SCN2A: variants seen among roughly 807,000 people sequenced by gnomAD.
SCN2A encodes sodium channel protein type 2 subunit alpha.
In SCN2A, 20 loss-of-function variants were observed where a neutral mutation model predicts 188.7. That is an observed-to-expected ratio of 0.11 (90% CI 0.07 to 0.15). The LOEUF (loss-of-function observed/expected upper bound fraction) is 0.15. SCN2A is among the 10% of genes least tolerant of loss of function. The probability of loss-of-function intolerance (pLI) is 1.00; values close to 1 mark genes in which losing one functional copy is unlikely to be tolerated. For missense variants in SCN2A, 1,278 were observed against 2,445.0 expected, an observed-to-expected ratio of 0.52 and a Z score of 10.07; for synonymous variants, 804 against 833.1, an observed-to-expected ratio of 0.97 and a Z score of 0.60.
chr2:165,366,802 T>C (rs1700753715), intron 18 of SCN2A, among the ~76,000 whole-genome samples: 1 of 151,982 alleles, frequency 6.6e-6, no homozygotes, highest in African/African-American at 2.4e-5. Context: ...CACAAATTTA[T>C]TTACTTATAA....
At chr2:165,280,991 G>A (rs1695560644) in intron 1 of SCN2A, among the ~76,000 whole-genome samples, 3 of 152,218 alleles carry the variant, frequency 2.0e-5, no homozygotes, top group Non-Finnish European at 2.9e-5. Flanking sequence ...GGAGGCCAAG[G>A]CAGGAGAATT....
At chr2:165,377,822 A>G (rs1346878044) in intron 23 of SCN2A, among the ~76,000 whole-genome samples, 172 bp downstream of exon 23, 1 of 151,888 alleles carries the variant, frequency 6.6e-6, no homozygotes, top group African/African-American at 2.4e-5. Context: ...TTATCATAGG[A>G]TGATTTTCTC....
chr2:165,333,888 A>G (rs1323762133), intron 14 of SCN2A, among the ~76,000 whole-genome samples: 1 of 151,482 alleles, frequency 6.6e-6, no homozygotes, highest in East Asian at 1.9e-4. Context: ...TAACCAAGAA[A>G]AAAAGAGGAA....
rs1574670402 is a variant in SCN2A at position 165,356,582 on chromosome 2, G to A, written c.3399+1911G>A. On this transcript the variant is annotated intron_variant, in intron 17 of 26. Transcript: ENST00000375437. ...AAAGTCAATTTTTATTTTCACACAT[G>A]TTTAGTTTTAGGCTGTCATATAAAC... 4.0e-5 allele frequency among the ~76,000 whole-genome samples: 6 copies of A among 151,890 alleles called. No homozygotes were observed. In the South Asian group the frequency reaches 1.2e-3, roughly 32 times the overall value.
intron 16 of SCN2A, among the ~76,000 whole-genome samples, chr2:165,350,501 C>G (rs1417346942): frequency 2.1e-5 from 2 of 95,264 alleles, no homozygotes; most frequent in Non-Finnish European, 2.0e-5. Flanking sequence ...GAGACGGAGT[C>G]TCGCTCTGTC....
chr2:165,288,909 G>A (rs1574506726), intron 1 of SCN2A, among the ~76,000 whole-genome samples: 1 of 151,940 alleles, frequency 6.6e-6, no homozygotes, highest in Non-Finnish European at 1.5e-5. Flanking sequence ...TCTTTTATTG[G>A]TTTATGTTTA....
intron 16 of SCN2A, among the ~76,000 whole-genome samples, chr2:165,346,017 A>G (rs1479089137): frequency 6.6e-6 from 1 of 152,080 alleles, no homozygotes; most frequent in Non-Finnish European, 1.5e-5. Flanking sequence ...TCTTTTCTTT[A>G]ATAATGTTTA....
At chr2:165,288,768 G>A (rs1157420462) in intron 1 of SCN2A, among the ~76,000 whole-genome samples, 1 of 151,764 alleles carries the variant, frequency 6.6e-6, no homozygotes, top group Non-Finnish European at 1.5e-5. Flanking sequence ...ATATGTGTGT[G>A]TATATGCATA....
Position 165,315,493 on chromosome 2 carries a change from C to T in SCN2A, c.1406C>T (p.Ala469Val). ...TAGGCGGCAGCTGCAGCCGCATCTG[C>T]TGAATCAAGAGACTTCAGTGGTGCT... ...EAQAAAAAAS[A>V]ESRDFSGAGG... Residue 469 changes from alanine (A) to valine (V), a missense_variant, in exon 11 of 27, where the codon GCT becomes GTT. By Grantham distance (64) the Ala-to-Val change is moderately conservative. Coordinates refer to ENST00000375437, the MANE Select transcript of SCN2A (RefSeq NM_001040142.2). 1 of 1,613,930 alleles carries T rather than the reference C, an allele frequency of 6.2e-7. No homozygotes were observed. Among genetic ancestry groups the T allele is most frequent in the Non-Finnish European group, 8.5e-7 (1 of 1,179,844 alleles).
intron 1 of SCN2A, among the ~76,000 whole-genome samples, chr2:165,246,662 G>GC (rs1553555298): frequency 6.6e-6 from 1 of 152,064 alleles, no homozygotes; most frequent in Non-Finnish European, 1.5e-5. Flanking sequence ...TCCGCTCAGT[G>GC]TTTTTTTGTT....
At chr2:165,308,550 T>C in intron 4 of SCN2A, 116 bp from the exon 5 acceptor site, 1 of 1,055,362 alleles carries the variant, frequency 9.5e-7, no homozygotes. Context: ...CTCTATATCG[T>C]AGGGGGACCA....
chr2:165,263,646 G>A (rs1194112446), intron 1 of SCN2A, among the ~76,000 whole-genome samples: 1 of 152,058 alleles, frequency 6.6e-6, no homozygotes, highest in Non-Finnish European at 1.5e-5. Flanking sequence ...TTCAGGTAAT[G>A]TGATGCCTCC....
intron 8 of SCN2A, among the ~76,000 whole-genome samples, chr2:165,312,516 A>T (rs1436865328): frequency 6.6e-6 from 1 of 152,108 alleles, no homozygotes; most frequent in East Asian, 1.9e-4. Context: ...AGTGGTTACA[A>T]ACATAAACTG....
intron 1 of SCN2A, among the ~76,000 whole-genome samples, chr2:165,288,833 C>G (rs1695973912): frequency 6.6e-6 from 1 of 151,882 alleles, no homozygotes; most frequent in African/African-American, 2.4e-5. Flanking sequence ...AGAAAATAGA[C>G]TTGAACCTAT....
intron 1 of SCN2A, chr2:165,290,563 T>G (rs573601329): frequency 6.3e-4 from 99 of 156,628 alleles, no homozygotes; most frequent in Non-Finnish European, 1.2e-3. Context: ...ATGACTAATC[T>G]TCTCCCAAAA....
chr2:165,247,282 CT>C lies in SCN2A; in HGVS notation c.-52+7650del, dbSNP rs76923766. Among the ~76,000 whole-genome samples the C allele has an allele frequency of 1.8e-3, 277 of 152,116 alleles. 1 individual carries two copies. Among genetic ancestry groups the C allele is most frequent in the African/African-American group, 6.4e-3 (265 of 41,524 alleles). On this transcript the variant is annotated intron_variant, in intron 1 of 26. Coordinates refer to ENST00000375437, the MANE Select transcript of SCN2A (RefSeq NM_001040142.2). ...GAATTTTTTTACTTCCTTCAACTAT[CT>C]TTTTTTTATTTTTTGTTGTCTTTGC... is the stretch of plus-strand genomic sequence containing the variant.
At chr2:165,308,817 T>C in intron 5 of SCN2A, 23 bp downstream of exon 5, 1 of 1,612,038 alleles carries the variant, frequency 6.2e-7, no homozygotes, top group Non-Finnish European at 8.5e-7. Context: ...ATACATTTTC[T>C]ATCCTGGAAG....
chr2:165,262,892 C>G (rs1694668671), intron 1 of SCN2A, among the ~76,000 whole-genome samples: 1 of 152,128 alleles, frequency 6.6e-6, no homozygotes, highest in South Asian at 2.1e-4. Flanking sequence ...TCCCTTTTTA[C>G]CACATCCATG....
intron 1 of SCN2A, among the ~76,000 whole-genome samples, chr2:165,278,013 T>C (rs2106115675): frequency 6.6e-6 from 1 of 152,264 alleles, no homozygotes; most frequent in East Asian, 1.9e-4. Flanking sequence ...GTTCTTAAGC[T>C]TGAAAAAGTG....
Sources: gnomAD v4.1 joint callset for allele counts (sites outside exome capture counted in the v4.1 genomes callset) on GRCh38, gnomAD v4.1.1 for gene constraint, MANE v1.5 for transcripts, NCBI Gene and HGNC (gene_info 2026-07-23, HGNC 2026-07-21) for gene names.